RAB27B: variants seen among roughly 807,000 people sequenced by gnomAD.
RAB27B encodes the protein RAB27B, member RAS oncogene family.
A neutral mutation model predicts 24.6 loss-of-function variants in RAB27B; 15 were observed. The observed-to-expected ratio is 0.61, with a 90% CI of 0.41 to 0.94. The LOEUF is 0.94. RAB27B is among the 40% of genes least tolerant of loss of function. The probability of loss-of-function intolerance (pLI) is 0.00; values close to 1 mark genes in which losing one functional copy is unlikely to be tolerated. For synonymous variants in RAB27B, 105 were observed against 92.5 expected, an observed-to-expected ratio of 1.14 and a Z score of -0.78; for missense variants, 261 against 266.8, an observed-to-expected ratio of 0.98 and a Z score of 0.15.
At chr18:54,865,236 TTTGTGTGTG>T (rs1912166344) in intron 1 of RAB27B, among the ~76,000 whole-genome samples, 2 of 96,604 alleles carry the variant, frequency 2.1e-5, no homozygotes, top group South Asian at 8.3e-4. Flanking sequence ...GCAATGGCCT[TTTGTGTGTG>T]TGTGTGTGTG....
chr18:54,838,924 T>G (rs939601420), intron 1 of RAB27B, among the ~76,000 whole-genome samples: 1 of 152,192 alleles, frequency 6.6e-6, no homozygotes, highest in Non-Finnish European at 1.5e-5. Flanking sequence ...AATGTGTTTT[T>G]TCTTGTGTTT....
At chr18:54,738,094 C>G (rs558343108) in intron 2 of RAB27B, among the ~76,000 whole-genome samples, 1 of 152,172 alleles carries the variant, frequency 6.6e-6, no homozygotes, top group South Asian at 2.1e-4. Flanking sequence ...AGAGAAGAGC[C>G]TACGTATTAT....
chr18:54,874,166 C>T (rs1568109740), intron 1 of RAB27B, among the ~76,000 whole-genome samples: 1 of 152,190 alleles, frequency 6.6e-6, no homozygotes, highest in Non-Finnish European at 1.5e-5. Context: ...TCTCATTCTA[C>T]AAGTGGGAAG....
chr18:54,728,718 T>C (rs1189182965), intron 2 of RAB27B, among the ~76,000 whole-genome samples: 1 of 151,228 alleles, frequency 6.6e-6, no homozygotes, highest in Non-Finnish European at 1.5e-5. Context: ...CTATCAAAAA[T>C]ACAAGAAGTT....
intron 2 of RAB27B, among the ~76,000 whole-genome samples, chr18:54,819,972 G>T (rs987205836): frequency 3.5e-4 from 53 of 152,178 alleles, no homozygotes; most frequent in Admixed American, 1.2e-3. Flanking sequence ...TGGCTGCATA[G>T]TATTCCACGG....
intron 1 of RAB27B, among the ~76,000 whole-genome samples, chr18:54,875,931 A>G (rs1912679017): frequency 6.6e-6 from 1 of 152,206 alleles, no homozygotes; most frequent in South Asian, 2.1e-4. Context: ...AAAAGTTATT[A>G]GAATTATCTA....
intron 1 of RAB27B, among the ~76,000 whole-genome samples, chr18:54,849,029 C>T (rs937772049): frequency 6.6e-6 from 1 of 152,126 alleles, no homozygotes; most frequent in Non-Finnish European, 1.5e-5. Context: ...AGCAGAACGT[C>T]TGGGATTTCA....
At chr18:54,801,008 G>GTTTTTTTTTTTTTTTTT in intron 2 of RAB27B, among the ~76,000 whole-genome samples, 1 of 93,096 alleles carries the variant, frequency 1.1e-5, no homozygotes, top group African/African-American at 4.2e-5. Context: ...TTGTTCCTGT[G>GTTTTTTTTTTTTTTTTT]TTTTTTTTTT....
intron 2 of RAB27B, among the ~76,000 whole-genome samples, chr18:54,741,545 G>A (rs1169131040): frequency 6.6e-6 from 1 of 152,098 alleles, no homozygotes; most frequent in African/African-American, 2.4e-5. Context: ...ACAGGTTGGA[G>A]TGCAGTGGTA....
At chr18:54,826,459 G>A (rs1910480497), upstream of RAB27B, among the ~76,000 whole-genome samples, 1 of 152,066 alleles carries the variant, frequency 6.6e-6, no homozygotes, top group African/African-American at 2.4e-5. Flanking sequence ...GGAAGGAAAT[G>A]TTCCACCACT....
chr18:54,887,069 T>TC (rs1568117109), intron 4 of RAB27B, among the ~76,000 whole-genome samples: 1 of 88,806 alleles, frequency 1.1e-5, no homozygotes, highest in African/African-American at 4.4e-5. Context: ...CCTCCCTCCC[T>TC]CCTCTTTCTC....
At chr18:54,772,278 C>A (rs996472472) in intron 2 of RAB27B, among the ~76,000 whole-genome samples, 7 of 152,254 alleles carry the variant, frequency 4.6e-5, no homozygotes, top group Admixed American at 4.6e-4. Context: ...GGTTAGATGC[C>A]AATGGTTCTT....
intron 1 of RAB27B, among the ~76,000 whole-genome samples, chr18:54,863,277 G>A (rs980690935): frequency 1.2e-4 from 19 of 152,024 alleles, no homozygotes; most frequent in African/African-American, 4.3e-4. Context: ...CATTTGAATT[G>A]TCTCAAATAT....
At chr18:54,825,498 T>G (rs1910443403), upstream of RAB27B, among the ~76,000 whole-genome samples, 1 of 152,184 alleles carries the variant, frequency 6.6e-6, no homozygotes, top group South Asian at 2.1e-4. Flanking sequence ...TTTTGAAAAT[T>G]TTCTGCAGCT....
intron 2 of RAB27B, among the ~76,000 whole-genome samples, chr18:54,820,731 A>G (rs1366273457): frequency 2.0e-5 from 3 of 152,150 alleles, no homozygotes; most frequent in East Asian, 1.9e-4. Flanking sequence ...GTTTTCTTCT[A>G]AAGTTTTTAT....
intron 2 of RAB27B, among the ~76,000 whole-genome samples, chr18:54,761,204 C>T (rs1001854083): frequency 1.4e-4 from 21 of 152,086 alleles, no homozygotes; most frequent in African/African-American, 4.8e-5. Context: ...GTTTTTCAGG[C>T]TGAGCTCAAC....
intron 2 of RAB27B, among the ~76,000 whole-genome samples, chr18:54,804,721 T>C (rs1218029975): frequency 6.6e-6 from 1 of 152,180 alleles, no homozygotes; most frequent in African/African-American, 2.4e-5. Context: ...CCTTTTGCTC[T>C]GGAAGATATT....
chr18:54,866,549 C>T (rs972707867), intron 1 of RAB27B, among the ~76,000 whole-genome samples: 54 of 152,354 alleles, frequency 3.5e-4, no homozygotes, highest in African/African-American at 1.1e-3. Context: ...CCGCCCGCTT[C>T]GGCCTCCCAA....
chr18:54,794,990 G>A (rs547996597), intron 2 of RAB27B, among the ~76,000 whole-genome samples: 4 of 152,302 alleles, frequency 2.6e-5, no homozygotes, highest in Non-Finnish European at 4.4e-5. Flanking sequence ...TTTCCAAAGT[G>A]AAACTTTCCA....
Sources: allele counts gnomAD v4.1 joint callset (sites outside exome capture counted in the v4.1 genomes callset), GRCh38; gene constraint gnomAD v4.1.1; transcripts MANE v1.5; gene names NCBI Gene and HGNC (gene_info 2026-07-23, HGNC 2026-07-21).